The following KCNT2 variants were observed in gnomAD, a reference collection of about 807,000 sequenced individuals.
KCNT2 encodes the protein potassium channel subfamily T member 2.
KCNT2 carries 67 observed loss-of-function variants against 153.8 expected under a neutral mutation model. The ratio of observed to expected loss-of-function variants is 0.44; its 90% CI spans 0.36 to 0.53. The LOEUF (loss-of-function observed/expected upper bound fraction) is 0.53, where lower values mean the gene tolerates loss of function less well. KCNT2 is among the 20% of genes least tolerant of loss of function. The probability of loss-of-function intolerance (pLI) is 0.00; values close to 1 mark genes in which losing one functional copy is unlikely to be tolerated. For missense variants in KCNT2, 975 were observed against 1,354.8 expected, an observed-to-expected ratio of 0.72 and a Z score of 4.40; for synonymous variants, 500 against 458.8, an observed-to-expected ratio of 1.09 and a Z score of -1.15.
intron 27 of KCNT2, among the ~76,000 whole-genome samples, chr1:196,229,796 A>C (rs1466259006): frequency 6.6e-6 from 1 of 152,136 alleles, no homozygotes; most frequent in East Asian, 1.9e-4. Flanking sequence ...AACCAGCTAC[A>C]ACATTCCCTT....
chr1:196,434,201 CAA>C (rs1351893677), intron 8 of KCNT2, among the ~76,000 whole-genome samples: 2 of 151,866 alleles, frequency 1.3e-5, no homozygotes, highest in Non-Finnish European at 2.9e-5. Flanking sequence ...TCTGTGAAGT[CAA>C]GTTTTAAAAT....
chr1:196,367,360 C>T (rs1668128324), intron 14 of KCNT2, among the ~76,000 whole-genome samples: 1 of 152,024 alleles, frequency 6.6e-6, no homozygotes, highest in South Asian at 2.1e-4. Context: ...ACATGTAAAA[C>T]TTAGGTGATC....
chr1:196,252,249 A>T (rs1369045553), intron 26 of KCNT2, among the ~76,000 whole-genome samples: 2 of 151,708 alleles, frequency 1.3e-5, no homozygotes, highest in East Asian at 3.9e-4. Flanking sequence ...ATAGGTTGGC[A>T]AACTTTTGTT....
chr1:196,420,636 G>A (rs1673120944), intron 12 of KCNT2, among the ~76,000 whole-genome samples: 1 of 151,904 alleles, frequency 6.6e-6, no homozygotes, highest in South Asian at 2.1e-4. Flanking sequence ...TTGATTGAAT[G>A]ATATAATGCA....
At chr1:196,455,085 T>A (rs900786565) in intron 8 of KCNT2, among the ~76,000 whole-genome samples, 2 of 151,994 alleles carry the variant, frequency 1.3e-5, no homozygotes, top group Non-Finnish European at 1.5e-5. Context: ...TGGAAATGGC[T>A]GGTCCTTCCC....
At chr1:196,389,403 C>A (rs191532329) in intron 13 of KCNT2, among the ~76,000 whole-genome samples, 32 of 151,622 alleles carry the variant, frequency 2.1e-4, no homozygotes, top group Admixed American at 3.3e-4. Context: ...TAAGCTTGTA[C>A]AGAAGAGGTT....
chr1:196,484,259 T>G (rs1221606092), intron 3 of KCNT2, among the ~76,000 whole-genome samples: 1 of 152,134 alleles, frequency 6.6e-6, no homozygotes, highest in Non-Finnish European at 1.5e-5. Context: ...TGATTTGCAT[T>G]TTTCCATTGA....
chr1:196,299,529 A>C (rs538602984), intron 22 of KCNT2, among the ~76,000 whole-genome samples: 41 of 152,294 alleles, frequency 2.7e-4, no homozygotes, highest in African/African-American at 9.9e-4. Context: ...ATGTAAATCA[A>C]GGCCACAATG....
intron 18 of KCNT2, among the ~76,000 whole-genome samples, chr1:196,327,668 C>CTTTTTTT (rs773639795): frequency 1.6e-5 from 2 of 127,898 alleles, no homozygotes; most frequent in Non-Finnish European, 3.2e-5. Flanking sequence ...ATATTCTGAT[C>CTTTTTTT]TTTTTTTTTT....
At chr1:196,329,099 C>T (rs1664178715) in intron 18 of KCNT2, among the ~76,000 whole-genome samples, 1 of 152,038 alleles carries the variant, frequency 6.6e-6, no homozygotes, top group Admixed American at 6.6e-5. Flanking sequence ...GAGCAGAGAA[C>T]AGAGAATTTA....
chr1:196,505,645 A>T (rs1397640962), intron 1 of KCNT2, among the ~76,000 whole-genome samples: 2 of 152,002 alleles, frequency 1.3e-5, no homozygotes, highest in Non-Finnish European at 2.9e-5. Context: ...CTTGATGGGG[A>T]TGGCATTGAA....
chr1:196,509,247 CA>C (rs1195974396), intron 1 of KCNT2, among the ~76,000 whole-genome samples: 20 of 61,038 alleles, frequency 3.3e-4, no homozygotes, highest in African/African-American at 1.3e-3. Flanking sequence ...CCAGCCGGGG[CA>C]AAAAAAAAGC....
intron 19 of KCNT2, among the ~76,000 whole-genome samples, chr1:196,321,578 C>T (rs1663317126): frequency 1.3e-5 from 2 of 152,030 alleles, no homozygotes; most frequent in Middle Eastern, 3.4e-3. Flanking sequence ...GTGCCAAATC[C>T]TTGGAAATTG....
chr1:196,388,298 A>G (rs965153210), intron 13 of KCNT2, among the ~76,000 whole-genome samples: 1 of 151,754 alleles, frequency 6.6e-6, no homozygotes, highest in Non-Finnish European at 1.5e-5. Flanking sequence ...GCTGTCTTTA[A>G]TACTTTAGTA....
chr1:196,436,176 A>G (rs1193848912), intron 8 of KCNT2, among the ~76,000 whole-genome samples: 2 of 151,658 alleles, frequency 1.3e-5, no homozygotes, highest in African/African-American at 2.4e-5. Flanking sequence ...ACCTATATAC[A>G]ACATGTGGAA....
At chr1:196,247,602 C>T (rs1486035467) in intron 26 of KCNT2, among the ~76,000 whole-genome samples, 7 of 152,194 alleles carry the variant, frequency 4.6e-5, no homozygotes, top group Admixed American at 3.9e-4. Context: ...TATCCTTCTT[C>T]ACATGATGGC....
chr1:196,418,470 GAAC>G (rs554472403), intron 12 of KCNT2, among the ~76,000 whole-genome samples: 1,633 of 151,816 alleles, frequency 0.011, 15 homozygotes, highest in Non-Finnish European at 0.018. Flanking sequence ...CAAGTCTCAA[GAAC>G]AACAACAACA....
At chr1:196,483,485 A>G (rs1679176109) in intron 3 of KCNT2, among the ~76,000 whole-genome samples, 1 of 152,114 alleles carries the variant, frequency 6.6e-6, no homozygotes, top group South Asian at 2.1e-4. Flanking sequence ...CCTATTCCCT[A>G]TTGTGTATTG....
chr1:196,274,447 C>A (rs1203655057), intron 25 of KCNT2, among the ~76,000 whole-genome samples: 1 of 151,516 alleles, frequency 6.6e-6, no homozygotes, highest in African/African-American at 2.4e-5. Flanking sequence ...ACACATGACA[C>A]AATGGAATAA....
Sources: gnomAD v4.1 joint callset for allele counts (sites outside exome capture counted in the v4.1 genomes callset) on GRCh38, gnomAD v4.1.1 for gene constraint, MANE v1.5 for transcripts, NCBI Gene and HGNC (gene_info 2026-07-23, HGNC 2026-07-21) for gene names.